The following ERC2 variants were observed in gnomAD, a reference collection of about 807,000 sequenced individuals.
The protein encoded by ERC2 is ERC protein 2.
Under a neutral mutation model 114.8 loss-of-function variants are expected in ERC2, and 42 were observed. That is an observed-to-expected ratio of 0.37 (90% CI 0.29 to 0.47). ERC2 has a LOEUF of 0.47. ERC2 is among the 20% of genes least tolerant of loss of function. The probability of loss-of-function intolerance (pLI) is 0.99; values close to 1 mark genes in which losing one functional copy is unlikely to be tolerated. For missense variants in ERC2, 939 were observed against 1,150.7 expected (o/e 0.82, Z 2.66); for synonymous variants, 454 against 425.5 (o/e 1.07, Z -0.82).
intron 14 of ERC2, among the ~76,000 whole-genome samples, chr3:55,803,552 C>G (rs1307363675): frequency 6.7e-6 from 1 of 149,040 alleles, no homozygotes. Flanking sequence ...GTAAAGGCAT[C>G]ATTTTTTTTT....
intron 2 of ERC2, among the ~76,000 whole-genome samples, chr3:56,350,496 C>T (rs1458859662): frequency 6.6e-6 from 1 of 152,096 alleles, no homozygotes; most frequent in African/African-American, 2.4e-5. Flanking sequence ...AAGTTTACAG[C>T]TCAAACTCAG....
chr3:56,071,331 C>T, intron 7 of ERC2, among the ~76,000 whole-genome samples: 1 of 152,192 alleles, frequency 6.6e-6, no homozygotes, highest in East Asian at 1.9e-4. Context: ...ACAGCCCAGG[C>T]TCTGTCACTA....
At chr3:56,453,923 G>A (rs1420320065) in intron 1 of ERC2, among the ~76,000 whole-genome samples, 2 of 152,262 alleles carry the variant, frequency 1.3e-5, no homozygotes, top group South Asian at 2.1e-4. Flanking sequence ...ACACATGTGA[G>A]TGCCTGTCCT....
At chr3:55,837,297 G>A (rs1394798297) in intron 14 of ERC2, among the ~76,000 whole-genome samples, 6 of 151,972 alleles carry the variant, frequency 3.9e-5, no homozygotes, top group Admixed American at 2.0e-4. Context: ...ATAAAGACAC[G>A]TGCACATGTA....
At chr3:55,683,483 T>C (rs776778714) in intron 17 of ERC2, among the ~76,000 whole-genome samples, 7 of 152,176 alleles carry the variant, frequency 4.6e-5, no homozygotes, top group Non-Finnish European at 1.0e-4. Flanking sequence ...TCCACAATCA[T>C]GCCTTAAAAA....
intron 12 of ERC2, among the ~76,000 whole-genome samples, chr3:55,978,636 G>A (rs1247929884): frequency 6.6e-6 from 1 of 152,192 alleles, no homozygotes; most frequent in Non-Finnish European, 1.5e-5. Flanking sequence ...CACGCTCAGT[G>A]TGCATCTCAA....
chr3:55,640,335 T>A (rs1431253842), intron 17 of ERC2, among the ~76,000 whole-genome samples: 1 of 152,178 alleles, frequency 6.6e-6, no homozygotes, highest in African/African-American at 2.4e-5. Context: ...TCTTGACATA[T>A]ATTATTGCCT....
chr3:56,068,002 G>T (rs1414522997), intron 7 of ERC2, among the ~76,000 whole-genome samples: 3 of 151,786 alleles, frequency 2.0e-5, no homozygotes, highest in Non-Finnish European at 4.4e-5. Context: ...TGAATTTTTT[G>T]TTGTTGTTGT....
At chr3:56,094,869 A>C (rs2077971051) in intron 6 of ERC2, among the ~76,000 whole-genome samples, 1 of 152,258 alleles carries the variant, frequency 6.6e-6, no homozygotes, top group African/African-American at 2.4e-5. Flanking sequence ...ATTTAGAAAA[A>C]TAATAACAGT....
intron 3 of ERC2, among the ~76,000 whole-genome samples, chr3:56,292,457 G>A (rs1272437873): frequency 2.0e-5 from 3 of 151,666 alleles, no homozygotes; most frequent in African/African-American, 7.3e-5. Flanking sequence ...AGGCATCGTG[G>A]CACATGCCTG....
intron 17 of ERC2, among the ~76,000 whole-genome samples, chr3:55,626,159 A>C (rs1386855893): frequency 6.6e-6 from 1 of 152,198 alleles, no homozygotes; most frequent in Non-Finnish European, 1.5e-5. Flanking sequence ...ACACAGGGAA[A>C]TGTTTCTTTA....
At chr3:56,247,501 G>A (rs1238982681) in intron 3 of ERC2, among the ~76,000 whole-genome samples, 1 of 152,200 alleles carries the variant, frequency 6.6e-6, no homozygotes, top group Non-Finnish European at 1.5e-5. Context: ...AATTTGCTTA[G>A]TAAATGCTTT....
intron 15 of ERC2, among the ~76,000 whole-genome samples, chr3:55,706,118 A>G (rs1403858470): frequency 6.6e-6 from 1 of 152,156 alleles, no homozygotes; most frequent in African/African-American, 2.4e-5. Flanking sequence ...CTGTGAGGGA[A>G]GGAGATGGTA....
intron 17 of ERC2, among the ~76,000 whole-genome samples, chr3:55,661,396 C>G (rs1029015292): frequency 6.6e-6 from 1 of 152,186 alleles, no homozygotes; most frequent in Non-Finnish European, 1.5e-5. Flanking sequence ...CTAGAGGCCA[C>G]CTGCAATCCC....
chr3:56,125,279 C>T (rs1401701510), intron 6 of ERC2, among the ~76,000 whole-genome samples: 1 of 152,094 alleles, frequency 6.6e-6, no homozygotes, highest in East Asian at 1.9e-4. Flanking sequence ...ATCAGAAACA[C>T]CTAGACTGTA....
At chr3:56,455,322 T>C (rs921649419) in intron 1 of ERC2, among the ~76,000 whole-genome samples, 2 of 152,234 alleles carry the variant, frequency 1.3e-5, no homozygotes, top group African/African-American at 4.8e-5. Flanking sequence ...CTCCTAGCCT[T>C]TGTGTAAAAA....
chr3:55,530,706 G>A (rs2053611699), intron 17 of ERC2, among the ~76,000 whole-genome samples: 1 of 152,194 alleles, frequency 6.6e-6, no homozygotes, highest in African/African-American at 2.4e-5. Context: ...TCAAGAGCTG[G>A]GAAATCAGAA....
chr3:56,261,437 G>T (rs1385725251), intron 3 of ERC2, among the ~76,000 whole-genome samples: 1 of 152,102 alleles, frequency 6.6e-6, no homozygotes, highest in African/African-American at 2.4e-5. Flanking sequence ...ACAAGAAGGG[G>T]AAGCCTCCCC....
intron 13 of ERC2, among the ~76,000 whole-genome samples, chr3:55,932,014 T>C (rs1471913094): frequency 6.6e-6 from 1 of 152,242 alleles, no homozygotes; most frequent in African/African-American, 2.4e-5. Flanking sequence ...TTGTGTAGAA[T>C]TTGTTCTGTA....
Sources: gnomAD v4.1 joint callset for allele counts (sites outside exome capture counted in the v4.1 genomes callset) on GRCh38, gnomAD v4.1.1 for gene constraint, MANE v1.5 for transcripts, NCBI Gene and HGNC (gene_info 2026-07-23, HGNC 2026-07-21) for gene names.